The following CHD9 variants were observed in gnomAD, a reference collection of about 807,000 sequenced individuals.
CHD9 encodes chromodomain helicase DNA binding protein 9.
A neutral mutation model predicts 316.1 loss-of-function variants in CHD9; 77 were observed. The ratio of observed to expected loss-of-function variants is 0.24; its 90% CI spans 0.20 to 0.29. The LOEUF is 0.29. Ranked by LOEUF, CHD9 falls within the 10% of genes least tolerant of loss-of-function variation. The pLI, the probability that CHD9 is intolerant of heterozygous loss-of-function variation, is 1.00. For synonymous variants in CHD9, 1,129 were observed against 1,158.3 expected, an observed-to-expected ratio of 0.97 and a Z score of 0.51; for missense variants, 2,763 against 3,438.1, an observed-to-expected ratio of 0.80 and a Z score of 4.91.
chr16:53,269,971 T>A (rs73601690), intron 22 of CHD9, among the ~76,000 whole-genome samples: 4,920 of 152,134 alleles, frequency 0.032, 100 homozygotes, highest in Middle Eastern at 0.071. Flanking sequence ...TGAAAAGTTA[T>A]CAGCCAGTTG....
At chr16:53,056,877 CA>C (rs1278794906) in intron 1 of CHD9, among the ~76,000 whole-genome samples, 4 of 152,186 alleles carry the variant, frequency 2.6e-5, no homozygotes, top group African/African-American at 9.7e-5. Flanking sequence ...TCTAAATTTG[CA>C]AATTCTTCCC....
intron 2 of CHD9, among the ~76,000 whole-genome samples, chr16:53,180,020 C>T (rs1438102178): frequency 6.7e-6 from 1 of 148,336 alleles, no homozygotes; most frequent in Non-Finnish European, 1.5e-5. Flanking sequence ...GAATTGTTAC[C>T]TTACCTTCTT....
At chr16:53,104,592 C>T (rs761029989) in intron 1 of CHD9, among the ~76,000 whole-genome samples, 28 of 152,232 alleles carry the variant, frequency 1.8e-4, no homozygotes, top group African/African-American at 5.8e-4. Context: ...GGGCAGATCA[C>T]TTGAGGTCAG....
At chr16:53,241,273 C>T (rs908468641) in intron 12 of CHD9, among the ~76,000 whole-genome samples, 2 of 152,228 alleles carry the variant, frequency 1.3e-5, no homozygotes, top group Non-Finnish European at 2.9e-5. Context: ...TCCTGTCCTA[C>T]ATCACCACTT....
intron 1 of CHD9, among the ~76,000 whole-genome samples, chr16:53,077,415 C>T (rs1370940357): frequency 6.6e-6 from 1 of 151,958 alleles, no homozygotes; most frequent in Non-Finnish European, 1.5e-5. Context: ...GCTCTGCCTT[C>T]TGGGTTCATG....
At chr16:53,228,902 A>T (rs542516932) in intron 7 of CHD9, 81 bp from the exon 8 acceptor site, 7 of 633,192 alleles carry the variant, frequency 1.1e-5, no homozygotes, top group Non-Finnish European at 1.9e-5. Flanking sequence ...ACAATAGTTT[A>T]TATTGGATGT....
rs35116628 is a variant in CHD9 at position 53,313,306 on chromosome 16, A to T, written c.7223-1071A>T. ...TAAAAGTTCTGATGTTATAAAAAGG[A>T]CAAAGTGTTTTTTTTCTGAGACAGA... is the stretch of plus-strand genomic sequence containing the variant. On this transcript the variant is annotated intron_variant, in intron 34 of 38. Coordinates refer to ENST00000447540, the MANE Select transcript of CHD9 (RefSeq NM_001308319.2). 4.5e-3 allele frequency among the ~76,000 whole-genome samples: 678 copies of T among 151,910 alleles called. 5 individuals are homozygous for T. The highest frequency in any genetic ancestry group is 0.015 in the African/African-American group (619 of 41,492).
chr16:53,191,128 C>T (rs2152827520), intron 2 of CHD9, among the ~76,000 whole-genome samples: 1 of 152,260 alleles, frequency 6.6e-6, no homozygotes, highest in Admixed American at 6.5e-5. Context: ...CCCAGGCAAT[C>T]ACTGATTTAC....
intron 1 of CHD9, among the ~76,000 whole-genome samples, chr16:53,135,614 T>C (rs2039657232): frequency 6.6e-6 from 1 of 152,024 alleles, no homozygotes; most frequent in Non-Finnish European, 1.5e-5. Context: ...ATGAAGAAGA[T>C]GAGGGAAAGG....
At chr16:53,293,188 T>C in intron 29 of CHD9, 136 bp downstream of exon 29, 1 of 662,020 alleles carries the variant, frequency 1.5e-6, no homozygotes, top group Non-Finnish European at 2.6e-6. Context: ...TTTGTGCACA[T>C]ACACACATAT....
rs546041066 is a variant in CHD9 at position 53,202,384 on chromosome 16, T to TTC, written c.1453-7086_1453-7085dup. On this transcript the variant is annotated intron_variant, in intron 2 of 38. Coordinates refer to ENST00000447540, the MANE Select transcript of CHD9 (RefSeq NM_001308319.2). ...TGCATTTTGTTGAGGTCTTTTAAGT[T>TTC]TCTCTCTCTCTCTTTTTTTTTTTTT... is the stretch of plus-strand genomic sequence containing the variant. Among the ~76,000 whole-genome samples, 69 of 151,964 alleles carry TTC rather than the reference T, an allele frequency of 4.5e-4. 2 individuals carry two copies. In the South Asian group the frequency reaches 0.013, roughly 29 times the overall value.
chr16:53,323,346 A>G (rs2057391036), intron 38 of CHD9, among the ~76,000 whole-genome samples: 1 of 152,172 alleles, frequency 6.6e-6, no homozygotes, highest in Non-Finnish European at 1.5e-5. Context: ...CTTACATTGT[A>G]TTTCTATTAG....
At chr16:53,077,517 C>T (rs1050061270) in intron 1 of CHD9, among the ~76,000 whole-genome samples, 2 of 151,254 alleles carry the variant, frequency 1.3e-5, no homozygotes, top group Admixed American at 6.6e-5. Flanking sequence ...TTAGTAGAGA[C>T]GGGGTTTCAC....
chr16:53,188,238 A>G (rs1182755618), intron 2 of CHD9, among the ~76,000 whole-genome samples: 2 of 152,186 alleles, frequency 1.3e-5, no homozygotes, highest in African/African-American at 2.4e-5. Flanking sequence ...TTTATTAGTG[A>G]TGGATATTTC....
chr16:53,291,680 C>G, intron 27 of CHD9, 45 bp from the exon 28 acceptor site: 2 of 1,335,380 alleles, frequency 1.5e-6, no homozygotes, highest in Non-Finnish European at 2.1e-6. Context: ...TTATATATCT[C>G]TTGACCCAAT....
At chr16:53,228,537 GTTT>G (rs758037912) in intron 7 of CHD9, among the ~76,000 whole-genome samples, 3 of 105,060 alleles carry the variant, frequency 2.9e-5, no homozygotes, top group African/African-American at 1.1e-4. Context: ...CCATGAAAGT[GTTT>G]TTTTTTTTTT....
At chr16:53,182,542 CTT>C (rs1297117742) in intron 2 of CHD9, among the ~76,000 whole-genome samples, 3 of 152,108 alleles carry the variant, frequency 2.0e-5, no homozygotes, top group Non-Finnish European at 4.4e-5. Context: ...GATAAGGACT[CTT>C]GATCTGGGTC....
chr16:53,324,608 T>C lies in CHD9; in HGVS notation c.8407T>C (p.Tyr2803His). 1 of 1,613,708 alleles carries C rather than the reference T, an allele frequency of 6.2e-7. No individual in the cohort carries two copies. Among genetic ancestry groups the C allele is most frequent in the Non-Finnish European group, 8.5e-7 (1 of 1,179,810 alleles). Residue 2803 changes from tyrosine to histidine, a missense_variant, in exon 39 of 39, where the codon TAT (tyrosine) becomes CAT (histidine). Coordinates refer to ENST00000447540, the MANE Select transcript of CHD9 (RefSeq NM_001308319.2). ...CCCACTATTACTATCTAATATACTTTATCCAGGGATGCTTCTCACTCCAGG... is the reference window on the plus strand; with the variant it reads ...CCCACTATTACTATCTAATATACTTCATCCAGGGATGCTTCTCACTCCAGG... ...LNPLLLSNIL[Y>H]PGMLLTPGLN...
intron 16 of CHD9, among the ~76,000 whole-genome samples, chr16:53,248,526 G>GTT (rs542703474): frequency 5.5e-4 from 58 of 105,986 alleles, no homozygotes; most frequent in Non-Finnish European, 6.3e-4. Flanking sequence ...TTTTTTTTTT[G>GTT]TTTTTTTTTT....
Sources: gnomAD v4.1 joint callset for allele counts (sites outside exome capture counted in the v4.1 genomes callset) on GRCh38, gnomAD v4.1.1 for gene constraint, MANE v1.5 for transcripts, NCBI Gene and HGNC (gene_info 2026-07-23, HGNC 2026-07-21) for gene names.